UBE2H: variants seen among roughly 807,000 people sequenced by gnomAD.
The protein encoded by UBE2H is ubiquitin-conjugating enzyme E2 H.
UBE2H carries 3 observed loss-of-function variants against 29.0 expected under a neutral mutation model. The observed-to-expected ratio is 0.10, with a 90% CI of 0.05 to 0.27. The LOEUF (loss-of-function observed/expected upper bound fraction) is 0.27, where lower values mean the gene tolerates loss of function less well. Among genes scored for constraint, UBE2H ranks in the 10% least tolerant of loss-of-function variants. UBE2H has a pLI of 1.00. For synonymous variants in UBE2H, 69 were observed against 82.9 expected (o/e 0.83, Z 0.91); for missense variants, 68 against 228.2 (o/e 0.30, Z 4.52).
At chr7:129,920,159 A>G (rs1321961065) in intron 1 of UBE2H, among the ~76,000 whole-genome samples, 1 of 152,230 alleles carries the variant, frequency 6.6e-6, no homozygotes, top group African/African-American at 2.4e-5. Flanking sequence ...TTGTATGCGT[A>G]AATATTTTTT....
At chr7:129,891,953 CTTT>C (rs753851134) in intron 1 of UBE2H, among the ~76,000 whole-genome samples, 12 of 127,112 alleles carry the variant, frequency 9.4e-5, no homozygotes, top group South Asian at 4.9e-4. Flanking sequence ...CATGCTACAC[CTTT>C]TTTTTTTTTT....
intron 2 of UBE2H, among the ~76,000 whole-genome samples, chr7:129,879,849 A>G (rs1806219634): frequency 6.6e-6 from 1 of 152,222 alleles, no homozygotes. Flanking sequence ...AAATAAGCAG[A>G]TTCATTCTGC....
intron 1 of UBE2H, among the ~76,000 whole-genome samples, chr7:129,942,083 G>A (rs1263938234): frequency 6.6e-6 from 1 of 151,828 alleles, no homozygotes; most frequent in Non-Finnish European, 1.5e-5. Context: ...GGTGGCACAC[G>A]CCTGTAGTCC....
chr7:129,940,249 TA>T (rs1807614768), intron 1 of UBE2H, among the ~76,000 whole-genome samples: 1 of 152,222 alleles, frequency 6.6e-6, no homozygotes, highest in Non-Finnish European at 1.5e-5. Flanking sequence ...ACAACATTAA[TA>T]ACATGATTTT....
At chr7:129,941,140 A>G (rs1490571430) in intron 1 of UBE2H, among the ~76,000 whole-genome samples, 1 of 152,018 alleles carries the variant, frequency 6.6e-6, no homozygotes, top group Non-Finnish European at 1.5e-5. Flanking sequence ...ATTTTAGTAG[A>G]GACAGGGTTT....
intron 5 of UBE2H, among the ~76,000 whole-genome samples, chr7:129,856,211 G>A (rs1018371010): frequency 1.3e-5 from 2 of 152,174 alleles, no homozygotes; most frequent in Non-Finnish European, 2.9e-5. Flanking sequence ...TGCAGATTGT[G>A]GCTGGACTAA....
intron 1 of UBE2H, among the ~76,000 whole-genome samples, chr7:129,906,846 T>G (rs1373115970): frequency 6.6e-6 from 1 of 152,190 alleles, no homozygotes; most frequent in African/African-American, 2.4e-5. Context: ...AGACCTACTT[T>G]AAACGCTTAA....
intron 1 of UBE2H, among the ~76,000 whole-genome samples, chr7:129,918,143 C>T (rs1230938369): frequency 6.6e-6 from 1 of 152,080 alleles, no homozygotes; most frequent in Non-Finnish European, 1.5e-5. Context: ...GACTGGCAGC[C>T]CAGGAATGCC....
chr7:129,925,260 T>C (rs953025580), intron 1 of UBE2H, among the ~76,000 whole-genome samples: 13 of 151,892 alleles, frequency 8.6e-5, no homozygotes, highest in African/African-American at 1.5e-4. Flanking sequence ...ACGAAGAGAA[T>C]TGCTTGAATC....
chr7:129,947,922 G>A (rs1490854403), intron 1 of UBE2H, among the ~76,000 whole-genome samples: 3 of 151,812 alleles, frequency 2.0e-5, no homozygotes, highest in African/African-American at 7.3e-5. Context: ...GTGTAATTTA[G>A]GCTCACCACA....
At chr7:129,943,433 G>C (rs1024738014) in intron 1 of UBE2H, among the ~76,000 whole-genome samples, 2 of 152,190 alleles carry the variant, frequency 1.3e-5, no homozygotes, top group African/African-American at 4.8e-5. Context: ...TTCAAATGGG[G>C]GTGGGGAGAG....
intron 5 of UBE2H, among the ~76,000 whole-genome samples, chr7:129,852,727 TTTTG>T (rs1249502789): frequency 7.2e-5 from 11 of 152,156 alleles, no homozygotes; most frequent in Admixed American, 5.9e-4. Context: ...CAACTTTTTT[TTTTG>T]TTTGTTTTTT....
intron 1 of UBE2H, among the ~76,000 whole-genome samples, chr7:129,930,909 C>CAAAAAAAAAA (rs71175050): frequency 2.9e-5 from 1 of 34,294 alleles, no homozygotes; most frequent in African/African-American, 1.1e-4. Context: ...CCCCGTCTCA[C>CAAAAAAAAAA]AAAAAAAAAA....
chr7:129,949,578 G>C (rs1172637083), intron 1 of UBE2H, among the ~76,000 whole-genome samples: 1 of 152,270 alleles, frequency 6.6e-6, no homozygotes, highest in Non-Finnish European at 1.5e-5. Context: ...ATTATTAAGT[G>C]CATTGGTGCA....
In UBE2H at chr7:129,900,750, CCTTT is replaced by C. The variant is rs1171099084; in HGVS notation, c.54-19783_54-19780del. 3.5e-5 allele frequency among the ~76,000 whole-genome samples: 5 copies of C among 141,712 alleles called. No individual in the cohort carries two copies. In the South Asian group the frequency reaches 9.0e-4, roughly 25 times the overall value. The allele number at this position is 141,712 out of a possible 152,430, so 93.0% of individuals were successfully genotyped here. A position where few individuals can be genotyped will look rare whatever the true frequency, so the allele number is the denominator to read the frequency against. On this transcript the variant is annotated intron_variant, in intron 1 of 6. Transcript: ENST00000355621. ...CATCGTATGATTAAGATTTCTTTTT[CCTTT>C]TTTTTTTTTTTTTTGAGACAGAGTC...
At chr7:129,885,514 G>C (rs1444084787) in intron 1 of UBE2H, among the ~76,000 whole-genome samples, 1 of 151,668 alleles carries the variant, frequency 6.6e-6, no homozygotes, top group Non-Finnish European at 1.5e-5. Context: ...GGTTTGTTTG[G>C]AATTCAGTCC....
chr7:129,867,715 A>AAG (rs1805936393), intron 3 of UBE2H, among the ~76,000 whole-genome samples: 1 of 88,342 alleles, frequency 1.1e-5, no homozygotes, highest in African/African-American at 5.0e-5. Flanking sequence ...AAAAAAAAAA[A>AAG]AAGAAAACCA....
chr7:129,944,698 C>T (rs539015465), intron 1 of UBE2H, among the ~76,000 whole-genome samples: 155 of 150,520 alleles, frequency 1.0e-3, no homozygotes, highest in African/African-American at 3.4e-3. Context: ...AAAACACACA[C>T]GTGCGCATGC....
chr7:129,850,357 C>CA (rs200495202), intron 5 of UBE2H, among the ~76,000 whole-genome samples: 9,450 of 148,288 alleles, frequency 0.064, 363 homozygotes, highest in Non-Finnish European at 0.092. Context: ...GACCTTGTCT[C>CA]AAAAAAAAAG....
Sources: allele counts gnomAD v4.1 joint callset (sites outside exome capture counted in the v4.1 genomes callset), GRCh38; gene constraint gnomAD v4.1.1; transcripts MANE v1.5; gene names NCBI Gene and HGNC (gene_info 2026-07-23, HGNC 2026-07-21).